Variants in PCDHGB3 observed in about 807,000 individuals in gnomAD.
PCDHGB3 encodes protocadherin gamma subfamily B, 3, also known as protocadherin gamma-B3.
Under a neutral mutation model 59.2 loss-of-function variants are expected in PCDHGB3, and 40 were observed. That is an observed-to-expected ratio of 0.68 (90% CI 0.52 to 0.88). The LOEUF (loss-of-function observed/expected upper bound fraction) is 0.88, where lower values mean the gene tolerates loss of function less well. Ranked by LOEUF, PCDHGB3 falls within the 40% of genes least tolerant of loss-of-function variation. The probability of loss-of-function intolerance (pLI) is 0.00; values close to 1 mark genes in which losing one functional copy is unlikely to be tolerated. For missense variants in PCDHGB3, 1,309 were observed against 1,187.9 expected (o/e 1.10, Z -1.50); for synonymous variants, 581 against 503.6 (o/e 1.15, Z -2.06).
intron 1 of PCDHGB3, among the ~76,000 whole-genome samples, chr5:141,459,678 G>A (rs1240789253): frequency 2.0e-5 from 3 of 152,184 alleles, no homozygotes; most frequent in African/African-American, 7.2e-5. Flanking sequence ...CATGAGCAAT[G>A]CATAAAGCGT....
At position 141,432,180 on chromosome 5, in the gene PCDHGB3, T is replaced by G. The variant is rs943491593; in HGVS notation, c.2415+59371T>G. 2 of 1,614,044 alleles carry G rather than the reference T, an allele frequency of 1.2e-6. No homozygotes were observed. The highest frequency in any genetic ancestry group is 1.7e-6 in the Non-Finnish European group (2 of 1,180,036). ...CCCAGAGGAGTTTCCCTCGTCTCTG[T>G]GACCGCCCACGACCCCGACTGTGAA... On this transcript the variant is annotated intron_variant, in intron 1 of 3. Coordinates refer to ENST00000576222, the MANE Select transcript of PCDHGB3 (RefSeq NM_018924.5). This position sits in a 1 kb window ranked among gnomAD's most constrained non-coding sequence, Gnocchi z 6.0.
Position 141,489,555 on chromosome 5 carries a change from A to G in PCDHGB3, c.2416-5252A>G, listed in dbSNP as rs909307566. ...GAGCCAGCACCAGCTGCCTGCTGCC[A>G]GTGCAGGTGGTGACTGAACACCCCC... is the stretch of plus-strand genomic sequence containing the variant. On this transcript the variant is annotated intron_variant, in intron 1 of 3. Transcript: ENST00000576222. The surrounding 1 kb of genome is among the most constrained non-coding windows in gnomAD (Gnocchi z 4.5). 2.5e-6 allele frequency: 4 copies of G among 1,613,998 alleles called. No homozygotes were observed. The African/African-American group carries it at 5.3e-5, about 22-fold the overall frequency.
At chr5:141,433,363 CTA>C (rs2097590674) in intron 1 of PCDHGB3, 2 of 463,314 alleles carry the variant, frequency 4.3e-6, no homozygotes, top group African/African-American at 5.6e-5. Flanking sequence ...GTCTGCCTAT[CTA>C]TCTATCTATC....
intron 1 of PCDHGB3, among the ~76,000 whole-genome samples, chr5:141,492,530 C>A (rs1595123138): frequency 1.3e-5 from 2 of 152,246 alleles, no homozygotes; most frequent in South Asian, 2.1e-4. Flanking sequence ...CCCACCTGCG[C>A]CCCGGGCTGG....
chr5:141,484,004 G>C (rs1042457090), intron 1 of PCDHGB3, among the ~76,000 whole-genome samples: 5 of 146,164 alleles, frequency 3.4e-5, no homozygotes, highest in Non-Finnish European at 4.5e-5. Flanking sequence ...AGGTCTGGAT[G>C]AGGGTGGGGG....
At chr5:141,384,163 C>T in intron 1 of PCDHGB3, 1 of 1,613,658 alleles carries the variant, frequency 6.2e-7, no homozygotes, top group Non-Finnish European at 8.5e-7. Context: ...TAACATCACA[C>T]TGAAAGCCAC....
At chr5:141,384,224 T>C (rs753746250) in intron 1 of PCDHGB3, 1 of 1,613,882 alleles carries the variant, frequency 6.2e-7, no homozygotes, top group Non-Finnish European at 8.5e-7. Flanking sequence ...TTCATGCAGG[T>C]GGCAGACACC....
intron 1 of PCDHGB3, chr5:141,410,361 G>A: frequency 1.9e-6 from 3 of 1,614,034 alleles, no homozygotes; most frequent in Non-Finnish European, 2.5e-6. Context: ...CGCTCTCTCA[G>A]CCCTGCTACT....
chr5:141,427,960 G>T (rs759698390), intron 1 of PCDHGB3: 2 of 1,589,168 alleles, frequency 1.3e-6, no homozygotes, highest in Non-Finnish European at 1.7e-6. Context: ...AATGTGCCGC[G>T]GGTGCTGTAC....
At chr5:141,455,430 G>C (rs190218223) in intron 1 of PCDHGB3, among the ~76,000 whole-genome samples, 1 of 152,274 alleles carries the variant, frequency 6.6e-6, no homozygotes, top group Admixed American at 6.5e-5. Flanking sequence ...CTCCAAAAGA[G>C]GAGGTCCCCA....
chr5:141,431,830 C>G lies in PCDHGB3; in HGVS notation c.2415+59021C>G, dbSNP rs1354008481. 1 of 1,614,078 alleles carries G rather than the reference C, an allele frequency of 6.2e-7. No homozygotes were observed. The highest frequency in any genetic ancestry group is 8.5e-7 in the Non-Finnish European group (1 of 1,180,034). The stretch of plus-strand genomic sequence containing the variant: ...TCACCTCTCTCGCCAGCTCGGTTCC[C>G]GAAAACTCTCCCAGAGGGACATTAA... On this transcript the variant is annotated intron_variant, in intron 1 of 3. Coordinates refer to ENST00000576222, the MANE Select transcript of PCDHGB3 (RefSeq NM_018924.5). This position sits in a 1 kb window ranked among gnomAD's most constrained non-coding sequence, Gnocchi z 4.8.
intron 1 of PCDHGB3, among the ~76,000 whole-genome samples, chr5:141,449,422 C>A (rs1041930577): frequency 4.0e-5 from 6 of 151,724 alleles, no homozygotes; most frequent in Non-Finnish European, 7.4e-5. Flanking sequence ...GCCTGGCCAA[C>A]ATGATAAAAC....
intron 1 of PCDHGB3, chr5:141,430,691 G>C (rs1479214920): frequency 1.4e-6 from 2 of 1,416,472 alleles, no homozygotes; most frequent in Non-Finnish European, 1.9e-6. Flanking sequence ...CCATTCTATG[G>C]GCGAAGGAAC....
intron 1 of PCDHGB3, chr5:141,441,940 G>T (rs2098285664): frequency 5.9e-6 from 2 of 341,298 alleles, no homozygotes; most frequent in Non-Finnish European, 1.1e-5. Flanking sequence ...GTCCTACCAC[G>T]TGCTGCAGGC....
intron 1 of PCDHGB3, chr5:141,398,413 T>G (rs774602022): frequency 1.3e-6 from 2 of 1,490,692 alleles, no homozygotes; most frequent in South Asian, 1.1e-5. Context: ...GGAGGAGATA[T>G]GCGGGAAGAA....
At position 141,431,569 on chromosome 5, in the gene PCDHGB3, CGAA is replaced by C. The variant is rs780392922; in HGVS notation, c.2415+58762_2415+58764del. The C allele has an allele frequency of 1.9e-6, 3 of 1,614,000 alleles. No homozygotes were observed. The highest frequency in any genetic ancestry group is 2.7e-5 in the African/African-American group (2 of 74,932). ...TTGTAGTCAACGCTACCGACCCTGA[CGAA>C]GGAGTCAATGCGGAAGTGAGGTATT... On this transcript the variant is annotated intron_variant, in intron 1 of 3. Transcript: ENST00000576222. This position sits in a 1 kb window ranked among gnomAD's most constrained non-coding sequence, Gnocchi z 4.8.
intron 1 of PCDHGB3, chr5:141,423,397 C>A: frequency 1.9e-6 from 3 of 1,614,146 alleles, no homozygotes; most frequent in Non-Finnish European, 2.5e-6. Context: ...GCATAAGTCA[C>A]GCCTGCTGCA....
intron 1 of PCDHGB3, chr5:141,414,828 G>A (rs780047810): frequency 1.4e-5 from 22 of 1,614,092 alleles, no homozygotes; most frequent in Non-Finnish European, 1.8e-5. Flanking sequence ...GCAACGTGTC[G>A]TTGAGCCTGT....
At chr5:141,421,977 G>A in intron 1 of PCDHGB3, 1 of 1,609,542 alleles carries the variant, frequency 6.2e-7, no homozygotes, top group Admixed American at 1.7e-5. Context: ...TATATCGCGT[G>A]AGTGTTCCAG....
Sources: gnomAD v4.1 joint callset for allele counts (sites outside exome capture counted in the v4.1 genomes callset) on GRCh38, gnomAD v4.1.1 for gene constraint, Gnocchi (gnomAD v3.1) non-coding constraint, MANE v1.5 for transcripts, NCBI Gene and HGNC (gene_info 2026-07-23, HGNC 2026-07-21) for gene names.